Variants in CCSER1 observed in about 807,000 individuals in gnomAD.
The protein encoded by CCSER1 is serine-rich coiled-coil domain-containing protein 1.
A neutral mutation model predicts 82.0 loss-of-function variants in CCSER1; 41 were observed. The ratio of observed to expected loss-of-function variants is 0.50; its 90% confidence interval spans 0.39 to 0.65. CCSER1 has a LOEUF of 0.65. Ranked by LOEUF, CCSER1 falls within the 30% of genes least tolerant of loss-of-function variation. The pLI is 0.00. For synonymous variants in CCSER1, 414 were observed against 383.9 expected, an observed-to-expected ratio of 1.08 and a Z score of -0.92; for missense variants, 1,119 against 1,064.2, an observed-to-expected ratio of 1.05 and a Z score of -0.72.
chr4:90,415,935 A>G (rs949741634), intron 4 of CCSER1, among the ~76,000 whole-genome samples: 1 of 152,204 alleles, frequency 6.6e-6, no homozygotes, highest in African/African-American at 2.4e-5. Flanking sequence ...CTGTGTTAGT[A>G]CTGGGGTAGG....
At chr4:91,218,300 C>G (rs979492733) in intron 10 of CCSER1, among the ~76,000 whole-genome samples, 10 of 152,340 alleles carry the variant, frequency 6.6e-5, no homozygotes, top group African/African-American at 2.4e-4. Context: ...CCCGGAACTC[C>G]AGCTGGCCCG....
rs560710304 is a variant in CCSER1 at position 91,165,867 on chromosome 4, C to T, written c.2217+79873C>T. ...TTCCCTTGGCTCGGAAAGGGAAATCCCCCAACCCATTGTGCTTCCTGGGAG... is the reference window on the plus strand; with the variant it reads ...TTCCCTTGGCTCGGAAAGGGAAATCTCCCAACCCATTGTGCTTCCTGGGAG... On this transcript the variant is annotated intron_variant, in intron 10 of 10. Coordinates refer to ENST00000509176, the MANE Select transcript of CCSER1 (RefSeq NM_001145065.2). Among the ~76,000 whole-genome samples, 6 of 152,306 alleles carry T rather than the reference C, an allele frequency of 3.9e-5. No individual in the cohort carries two copies. In the South Asian group the frequency reaches 1.0e-3, roughly 26 times the overall value.
chr4:90,332,856 A>C (rs554800572), intron 3 of CCSER1, among the ~76,000 whole-genome samples: 1 of 152,162 alleles, frequency 6.6e-6, no homozygotes, highest in Admixed American at 6.5e-5. Context: ...TATTTTATTT[A>C]ATATAAATCT....
At chr4:91,235,668 G>T (rs898737579) in intron 10 of CCSER1, among the ~76,000 whole-genome samples, 2 of 151,992 alleles carry the variant, frequency 1.3e-5, no homozygotes, top group African/African-American at 4.8e-5. Flanking sequence ...TTAAATAGGA[G>T]ACAGGCCTTG....
intron 3 of CCSER1, among the ~76,000 whole-genome samples, chr4:90,372,509 G>A (rs1321212980): frequency 6.6e-6 from 1 of 152,078 alleles, no homozygotes; most frequent in Non-Finnish European, 1.5e-5. Context: ...CAGCATTTTG[G>A]GAGGCCGAGG....
At chr4:90,216,416 G>A (rs1211590899) in intron 1 of CCSER1, among the ~76,000 whole-genome samples, 1 of 152,176 alleles carries the variant, frequency 6.6e-6, no homozygotes, top group Admixed American at 6.5e-5. Context: ...GGTGTATAGT[G>A]TTTTTGAGAT....
At chr4:90,326,809 G>A (rs1338690277) in intron 3 of CCSER1, among the ~76,000 whole-genome samples, 2 of 152,094 alleles carry the variant, frequency 1.3e-5, no homozygotes, top group African/African-American at 4.8e-5. Flanking sequence ...ATGAGCCCTG[G>A]CCCAGGGTAT....
At chr4:91,432,964 A>C (rs1265401063) in intron 10 of CCSER1, among the ~76,000 whole-genome samples, 2 of 152,274 alleles carry the variant, frequency 1.3e-5, no homozygotes, top group Admixed American at 6.5e-5. Flanking sequence ...GTACTATATC[A>C]GTTGCTATTA....
At position 90,770,647 on chromosome 4, in the gene CCSER1, T is replaced by A. The variant is rs139681594; in HGVS notation, c.2011-45115T>A. 1.6e-3 allele frequency among the ~76,000 whole-genome samples: 247 copies of A among 152,276 alleles called. 1 individual carries two copies. The highest frequency in any genetic ancestry group is 5.7e-3 in the African/African-American group (238 of 41,576). On this transcript the variant is annotated intron_variant, in intron 7 of 10. Coordinates refer to ENST00000509176, the MANE Select transcript of CCSER1 (RefSeq NM_001145065.2). Reference sequence around the variant, plus strand: ...TATTATGCCATCATTGTATTCCTTTTTCTTTCTGTCATTCTATTTCCCTCT... The same window carrying A: ...TATTATGCCATCATTGTATTCCTTTATCTTTCTGTCATTCTATTTCCCTCT...
chr4:90,734,195 C>CG (rs1156797002), intron 7 of CCSER1, among the ~76,000 whole-genome samples: 1 of 151,704 alleles, frequency 6.6e-6, no homozygotes, highest in African/African-American at 2.4e-5. Context: ...GTGCAATCTC[C>CG]GGTCACTGCA....
chr4:90,755,132 C>G (rs1749289596), intron 7 of CCSER1, among the ~76,000 whole-genome samples: 1 of 152,162 alleles, frequency 6.6e-6, no homozygotes, highest in South Asian at 2.1e-4. Flanking sequence ...TTATGTCACA[C>G]TGGCCAAACT....
chr4:91,442,792 C>T (rs1307325189), intron 10 of CCSER1, among the ~76,000 whole-genome samples: 4 of 149,974 alleles, frequency 2.7e-5, no homozygotes, highest in Admixed American at 2.7e-4. Flanking sequence ...AACAAACAAC[C>T]CCATCAAAAA....
At chr4:91,235,469 G>A (rs1738929587) in intron 10 of CCSER1, among the ~76,000 whole-genome samples, 1 of 152,056 alleles carries the variant, frequency 6.6e-6, no homozygotes, top group Non-Finnish European at 1.5e-5. Context: ...TGATAATTAT[G>A]CATTTTTGAA....
At chr4:90,882,434 T>G (rs887268566) in intron 8 of CCSER1, among the ~76,000 whole-genome samples, 3 of 152,084 alleles carry the variant, frequency 2.0e-5, no homozygotes, top group African/African-American at 7.2e-5. Context: ...ACTAAGTATT[T>G]TATACTGGGC....
intron 7 of CCSER1, among the ~76,000 whole-genome samples, chr4:90,795,537 T>C (rs1454314236): frequency 6.6e-6 from 1 of 152,194 alleles, no homozygotes; most frequent in African/African-American, 2.4e-5. Flanking sequence ...CTATGTTGAA[T>C]AGGAGTGGTG....
intron 5 of CCSER1, among the ~76,000 whole-genome samples, chr4:90,559,025 C>A (rs1209069618): frequency 1.3e-5 from 2 of 152,144 alleles, no homozygotes; most frequent in Non-Finnish European, 2.9e-5. Flanking sequence ...CACACAGGTA[C>A]TAAGTGATAA....
At chr4:91,316,498 A>G (rs1745845373) in intron 10 of CCSER1, among the ~76,000 whole-genome samples, 1 of 152,012 alleles carries the variant, frequency 6.6e-6, no homozygotes, top group Non-Finnish European at 1.5e-5. Context: ...ATTACTTATA[A>G]TGGACTGCAA....
intron 10 of CCSER1, among the ~76,000 whole-genome samples, chr4:91,568,070 A>T (rs888196412): frequency 6.6e-6 from 1 of 152,086 alleles, no homozygotes; most frequent in African/African-American, 2.4e-5. Context: ...AGATTTGCTT[A>T]TCTGAAAGGG....
chr4:90,565,584 G>T (rs1779267362), intron 5 of CCSER1, among the ~76,000 whole-genome samples: 1 of 152,122 alleles, frequency 6.6e-6, no homozygotes, highest in South Asian at 2.1e-4. Context: ...ATCCTGCCTT[G>T]TTCTAATGTC....
Sources: gnomAD v4.1 joint callset for allele counts (sites outside exome capture counted in the v4.1 genomes callset) on GRCh38, gnomAD v4.1.1 for gene constraint, MANE v1.5 for transcripts, NCBI Gene and HGNC (gene_info 2026-07-23, HGNC 2026-07-21) for gene names.